The following RAPGEF5 variants were observed in gnomAD, a reference collection of about 807,000 sequenced individuals.
RAPGEF5 encodes the protein M-Ras-regulated GEF.
RAPGEF5 carries 65 observed loss-of-function variants against 125.2 expected under a neutral mutation model. The observed-to-expected ratio is 0.52, with a 90% CI of 0.43 to 0.64. The LOEUF is 0.64. Among genes scored for constraint, RAPGEF5 ranks in the 30% least tolerant of loss-of-function variants. The pLI is 0.00. For synonymous variants in RAPGEF5, 391 were observed against 385.9 expected, an observed-to-expected ratio of 1.01 and a Z score of -0.16; for missense variants, 958 against 1,048.1, an observed-to-expected ratio of 0.91 and a Z score of 1.19.
At chr7:22,234,141 T>G (rs1786128493) in intron 7 of RAPGEF5, among the ~76,000 whole-genome samples, 1 of 152,216 alleles carries the variant, frequency 6.6e-6, no homozygotes, top group Admixed American at 6.5e-5. Context: ...GATTATCCTA[T>G]GAAGTTGCAT....
intron 11 of RAPGEF5, among the ~76,000 whole-genome samples, chr7:22,182,429 T>C (rs748081737): frequency 6.6e-5 from 10 of 152,222 alleles, no homozygotes; most frequent in Non-Finnish European, 1.2e-4. Context: ...CTTGTCTTCA[T>C]GAATTTCAGT....
chr7:22,166,632 C>T (rs1583437089), intron 12 of RAPGEF5, among the ~76,000 whole-genome samples: 1 of 152,198 alleles, frequency 6.6e-6, no homozygotes, highest in Non-Finnish European at 1.5e-5. Context: ...GGCCTGTCTC[C>T]CCTGAGATAC....
intron 8 of RAPGEF5, among the ~76,000 whole-genome samples, chr7:22,228,974 AC>A (rs1346224522): frequency 6.6e-6 from 1 of 152,086 alleles, no homozygotes; most frequent in East Asian, 1.9e-4. Context: ...CAACCTCAGG[AC>A]AAGCTTATAA....
At chr7:22,226,473 T>C (rs1036795072) in intron 8 of RAPGEF5, among the ~76,000 whole-genome samples, 1 of 152,150 alleles carries the variant, frequency 6.6e-6, no homozygotes, top group Non-Finnish European at 1.5e-5. Flanking sequence ...CAAAAAATAA[T>C]AATAATTTTA....
Position 22,122,077 on chromosome 7 carries a change from C to T in RAPGEF5, c.*329G>A, listed in dbSNP as rs10260538. 0.08 allele frequency: 19,699 copies of T among 247,448 alleles called. 949 individuals are homozygous for T. The highest frequency in any genetic ancestry group is 0.1 in the Non-Finnish European group (12,650 of 124,152). 15.3% of individuals were successfully genotyped at this position (247,448 alleles called of 1,614,324 possible). ...AATATTTGGTCATTGCATGTCAAGA[C>T]GTTGTCTTGTCTTGATGCTGGCACA... On this transcript the variant is annotated 3_prime_UTR_variant, in exon 26 of 26. Coordinates refer to ENST00000665637, the MANE Select transcript of RAPGEF5 (RefSeq NM_012294.5).
chr7:22,293,378 G>A (rs1291710749), intron 5 of RAPGEF5, among the ~76,000 whole-genome samples: 5 of 152,132 alleles, frequency 3.3e-5, no homozygotes, highest in Admixed American at 3.3e-4. Flanking sequence ...TCACCCTAGA[G>A]CCATCCCTTC....
At chr7:22,197,184 T>G (rs1785166100) in intron 9 of RAPGEF5, among the ~76,000 whole-genome samples, 1 of 152,086 alleles carries the variant, frequency 6.6e-6, no homozygotes, top group Non-Finnish European at 1.5e-5. Context: ...TCACTTTAGG[T>G]CAGGAGTGGG....
intron 11 of RAPGEF5, among the ~76,000 whole-genome samples, chr7:22,180,024 T>C (rs771240081): frequency 3.3e-5 from 5 of 152,214 alleles, no homozygotes; most frequent in African/African-American, 2.4e-5. Flanking sequence ...GCTTTCACTT[T>C]ACTCTATGGG....
chr7:22,152,975 C>G (rs1239244864), intron 17 of RAPGEF5, among the ~76,000 whole-genome samples: 1 of 152,142 alleles, frequency 6.6e-6, no homozygotes, highest in East Asian at 1.9e-4. Flanking sequence ...ATTGCCCATA[C>G]TGATGAATCT....
At chr7:22,162,873 G>A (rs1307641480) in intron 12 of RAPGEF5, 1 of 469,738 alleles carries the variant, frequency 2.1e-6, no homozygotes, top group Non-Finnish European at 4.2e-6. Context: ...ACTCTAAGAA[G>A]AGAGCTAGCC....
At chr7:22,245,478 T>A (rs1338592826) in intron 7 of RAPGEF5, among the ~76,000 whole-genome samples, 1 of 152,148 alleles carries the variant, frequency 6.6e-6, no homozygotes, top group Non-Finnish European at 1.5e-5. Context: ...TATTTTTCAT[T>A]TGTTTTTGTA....
rs2128112244 is a variant in RAPGEF5, at chr7:22,162,392, A to T, written c.1428+5T>A. On this transcript the variant is annotated splice_donor_5th_base_variant and intron_variant, in intron 13 of 25. Coordinates refer to ENST00000665637, the MANE Select transcript of RAPGEF5 (RefSeq NM_012294.5). Reference sequence around the variant, plus strand: ...ATCAAAGAATATCTGGAAATGTTTGATTACCTTTAAAAACATTTTTGAATG... The same window carrying T: ...ATCAAAGAATATCTGGAAATGTTTGTTTACCTTTAAAAACATTTTTGAATG... The T allele has an allele frequency of 6.4e-7, 1 of 1,566,852 alleles. No individual in the cohort carries two copies. The highest frequency in any genetic ancestry group is 2.2e-5 in the East Asian group (1 of 44,580).
chr7:22,210,394 G>T (rs1785482055), intron 9 of RAPGEF5, among the ~76,000 whole-genome samples: 1 of 152,162 alleles, frequency 6.6e-6, no homozygotes. Context: ...AAGGTTTTAA[G>T]AACTATCTGT....
At chr7:22,143,482 A>C (rs1463205275) in intron 20 of RAPGEF5, among the ~76,000 whole-genome samples, 1 of 152,182 alleles carries the variant, frequency 6.6e-6, no homozygotes, top group Non-Finnish European at 1.5e-5. Context: ...TCTGAAATTC[A>C]AGATCTTTTA....
At chr7:22,267,085 T>C (rs1194237741) in intron 6 of RAPGEF5, 73 bp from the exon 7 acceptor site, 2 of 1,393,212 alleles carry the variant, frequency 1.4e-6, no homozygotes, top group Non-Finnish European at 9.9e-7. Flanking sequence ...TACTTTGTTC[T>C]TAGATATCCA....
At position 22,146,882 on chromosome 7, in the gene RAPGEF5, T is replaced by C; in HGVS notation, c.2007+15A>G. 1 of 1,607,464 alleles carries C rather than the reference T, an allele frequency of 6.2e-7. No individual in the cohort carries two copies. Among genetic ancestry groups the C allele is most frequent in the South Asian group, 1.1e-5 (1 of 89,618 alleles). On this transcript the variant is annotated intron_variant, in intron 19 of 25. Coordinates refer to ENST00000665637, the MANE Select transcript of RAPGEF5 (RefSeq NM_012294.5). Reference sequence around the variant, plus strand: ...AAAACAGCATTTGTATTTTATCTTGTCACTCCTCATTTACCTCGTGAATTG... The same window carrying C: ...AAAACAGCATTTGTATTTTATCTTGCCACTCCTCATTTACCTCGTGAATTG...
At chr7:22,301,847 A>T (rs922119797) in intron 5 of RAPGEF5, among the ~76,000 whole-genome samples, 3 of 152,264 alleles carry the variant, frequency 2.0e-5, no homozygotes, top group Non-Finnish European at 4.4e-5. Context: ...TTCTCAGGAA[A>T]TAATTTTGGT....
At chr7:22,220,757 T>A (rs1391687666) in intron 8 of RAPGEF5, among the ~76,000 whole-genome samples, 3 of 151,018 alleles carry the variant, frequency 2.0e-5, no homozygotes, top group African/African-American at 2.4e-5. Context: ...AATTATGAAG[T>A]GTTTCTGCTC....
chr7:22,172,557 C>T (rs2128117891), intron 11 of RAPGEF5, among the ~76,000 whole-genome samples: 1 of 152,020 alleles, frequency 6.6e-6, no homozygotes, highest in African/African-American at 2.4e-5. Flanking sequence ...CTAAAAATTC[C>T]CATTTTATTT....
Sources: allele counts gnomAD v4.1 joint callset (sites outside exome capture counted in the v4.1 genomes callset), GRCh38; gene constraint gnomAD v4.1.1; transcripts MANE v1.5; gene names NCBI Gene and HGNC (gene_info 2026-07-23, HGNC 2026-07-21).